Variants in PTPRJ observed in about 807,000 individuals in gnomAD.
PTPRJ encodes receptor-type tyrosine-protein phosphatase eta.
Under a neutral mutation model 141.3 loss-of-function variants are expected in PTPRJ, and 129 were observed. The observed-to-expected ratio is 0.91, with a 90% CI of 0.79 to 1.06. The LOEUF (loss-of-function observed/expected upper bound fraction) is 1.06, where lower values mean the gene tolerates loss of function less well. Ranked by LOEUF, PTPRJ falls within the 50% of genes least tolerant of loss-of-function variation. PTPRJ has a pLI of 0.00. For synonymous variants in PTPRJ, 610 were observed against 640.5 expected (o/e 0.95, Z 0.72); for missense variants, 1,601 against 1,679.7 (o/e 0.95, Z 0.82).
chr11:48,109,138 C>T lies in PTPRJ; in HGVS notation c.97-920C>T, dbSNP rs570243605. On this transcript the variant is annotated intron_variant, in intron 1 of 24. Coordinates refer to ENST00000418331, the MANE Select transcript of PTPRJ (RefSeq NM_002843.4). ...AAAGGCTCTAGGGGAGAATCAGTTT[C>T]GAGAATGTGAGGGGGCAGTGAGACC... Among the ~76,000 whole-genome samples the T allele has an allele frequency of 2.6e-5, 4 of 152,098 alleles. No homozygotes were observed. In the East Asian group the frequency reaches 5.8e-4, roughly 22 times the overall value.
At chr11:48,023,672 C>T (rs566765584) in intron 1 of PTPRJ, among the ~76,000 whole-genome samples, 1 of 152,084 alleles carries the variant, frequency 6.6e-6, no homozygotes, top group Non-Finnish European at 1.5e-5. Flanking sequence ...GTCCCAGCTA[C>T]TTGTGAGGCT....
intron 18 of PTPRJ, among the ~76,000 whole-genome samples, chr11:48,152,951 G>A (rs1216975293): frequency 6.6e-6 from 1 of 152,144 alleles, no homozygotes; most frequent in Non-Finnish European, 1.5e-5. Context: ...CCACTCATAG[G>A]TATTGGGGGC....
intron 1 of PTPRJ, among the ~76,000 whole-genome samples, chr11:48,006,393 G>A (rs1400468735): frequency 6.6e-6 from 1 of 152,066 alleles, no homozygotes; most frequent in Non-Finnish European, 1.5e-5. Flanking sequence ...GGCGGGGAGG[G>A]ACATGCAGCA....
intron 3 of PTPRJ, among the ~76,000 whole-genome samples, chr11:48,118,255 A>T (rs563159939): frequency 2.4e-4 from 37 of 152,248 alleles, no homozygotes; most frequent in African/African-American, 8.7e-4. Flanking sequence ...GCTAACTTTT[A>T]AAATTTTTTT....
chr11:47,990,729 A>G (rs1255863673), intron 1 of PTPRJ, among the ~76,000 whole-genome samples: 1 of 140,562 alleles, frequency 7.1e-6, no homozygotes, highest in Non-Finnish European at 1.5e-5. Context: ...CCAGTCACCC[A>G]GGCTGGAGTT....
chr11:47,982,765 G>C (rs1343540785), intron 1 of PTPRJ, among the ~76,000 whole-genome samples: 1 of 151,724 alleles, frequency 6.6e-6, no homozygotes, highest in East Asian at 1.9e-4. Flanking sequence ...AAAGTTTCTT[G>C]GGTAAATTTA....
chr11:47,988,879 GTTTTTTTTTTTT>G (rs869194701), intron 1 of PTPRJ, among the ~76,000 whole-genome samples: 8 of 76,340 alleles, frequency 1.0e-4, no homozygotes, highest in South Asian at 8.0e-4. Flanking sequence ...ATTGTATCTT[GTTTTTTTTTTTT>G]TTTTTTTTTT....
At chr11:48,144,601 C>G in intron 12 of PTPRJ, 74 bp from the exon 13 acceptor site, 1 of 1,200,462 alleles carries the variant, frequency 8.3e-7, no homozygotes, top group South Asian at 1.3e-5. Context: ...ACATCACCAC[C>G]ATGTAGATAT....
At chr11:48,145,346 C>T (rs1857325047) in intron 14 of PTPRJ, among the ~76,000 whole-genome samples, 1 of 152,258 alleles carries the variant, frequency 6.6e-6, no homozygotes, top group Middle Eastern at 3.4e-3. Flanking sequence ...CTCTAAGTGC[C>T]AGTTGTTCTT....
chr11:48,036,903 G>A lies in PTPRJ; in HGVS notation c.96+55895G>A, dbSNP rs1424611653. On this transcript the variant is annotated intron_variant, in intron 1 of 24. Transcript: ENST00000418331. The stretch of plus-strand genomic sequence containing the variant: ...TGGTTTGCTCCAGAATTGTATTTCT[G>A]CTTTTTCTTTTTTTAACTTGGCAGT... Among the ~76,000 whole-genome samples the A allele has an allele frequency of 1.4e-4, 21 of 152,176 alleles. 1 individual carries two copies. The highest frequency in any genetic ancestry group is 1.4e-3 in the Admixed American group (21 of 15,262).
Position 48,168,499 on chromosome 11 carries a change from C to G in PTPRJ, c.*1137C>G, listed in dbSNP as rs1032160562. On this transcript the variant is annotated 3_prime_UTR_variant, in exon 25 of 25. Transcript: ENST00000418331. ...TTCCCCAAAGTCCACTGGCTTTCGT[C>G]TCTCTCTGCCGTGACACATATCGGA... 7.4e-6 allele frequency: 1 copy of G among 135,238 alleles called. No individual in the cohort carries two copies. 8.4% of individuals were successfully genotyped at this position (135,238 alleles called of 1,614,324 possible).
At chr11:48,109,249 T>G (rs927207870) in intron 1 of PTPRJ, among the ~76,000 whole-genome samples, 1 of 150,016 alleles carries the variant, frequency 6.7e-6, no homozygotes, top group African/African-American at 2.4e-5. Flanking sequence ...ACCAGGGTCC[T>G]TTTTGATTAT....
chr11:48,054,800 A>AT (rs1417585746), intron 1 of PTPRJ, among the ~76,000 whole-genome samples: 1 of 144,628 alleles, frequency 6.9e-6, no homozygotes, highest in African/African-American at 2.5e-5. Context: ...TAATTTCCTC[A>AT]TTTTTTTCCT....
chr11:48,106,247 G>A (rs796891309), intron 1 of PTPRJ, among the ~76,000 whole-genome samples: 5 of 152,154 alleles, frequency 3.3e-5, no homozygotes, highest in Admixed American at 6.5e-5. Flanking sequence ...GAGTCAGGGC[G>A]TTGCTCTAAC....
intron 1 of PTPRJ, among the ~76,000 whole-genome samples, chr11:48,079,389 T>C (rs1590475531): frequency 6.6e-6 from 1 of 151,514 alleles, no homozygotes; most frequent in Non-Finnish European, 1.5e-5. Flanking sequence ...CGTGGAAGGG[T>C]GAAAGGGTTG....
intron 1 of PTPRJ, among the ~76,000 whole-genome samples, chr11:48,032,718 C>A (rs1431881629): frequency 6.6e-6 from 1 of 152,188 alleles, no homozygotes; most frequent in South Asian, 2.1e-4. Flanking sequence ...AAGATCATGC[C>A]ATTGCACTCC....
chr11:48,067,831 AATAGG>A (rs754197756), intron 1 of PTPRJ, among the ~76,000 whole-genome samples: 27 of 152,312 alleles, frequency 1.8e-4, no homozygotes, highest in Non-Finnish European at 3.4e-4. Context: ...ATAGGGTGGA[AATAGG>A]ATAGGAGAAA....
rs548080322 is a variant in PTPRJ at position 48,055,879 on chromosome 11, G to T, written c.97-54179G>T. Among the ~76,000 whole-genome samples the T allele has an allele frequency of 3.3e-4, 51 of 152,348 alleles. 2 individuals carry two copies. Among genetic ancestry groups the T allele is most frequent in the Admixed American group, 1.8e-3 (28 of 15,312 alleles). On this transcript the variant is annotated intron_variant, in intron 1 of 24. Transcript: ENST00000418331. Reference sequence around the variant, plus strand: ...AAAACGCGATGCATTTCAACCCAAAGCACTCTGATCCCTTTCCAGGCTTTG... The same window carrying T: ...AAAACGCGATGCATTTCAACCCAAATCACTCTGATCCCTTTCCAGGCTTTG...
At chr11:48,038,167 T>C (rs1235380612) in intron 1 of PTPRJ, among the ~76,000 whole-genome samples, 1 of 152,124 alleles carries the variant, frequency 6.6e-6, no homozygotes, top group East Asian at 1.9e-4. Flanking sequence ...CAAGAGCTGG[T>C]CTTGGGCTGC....
Sources: gnomAD v4.1 joint callset for allele counts (sites outside exome capture counted in the v4.1 genomes callset) on GRCh38, gnomAD v4.1.1 for gene constraint, MANE v1.5 for transcripts, NCBI Gene and HGNC (gene_info 2026-07-23, HGNC 2026-07-21) for gene names.